Variants in METAP2 observed in about 807,000 individuals in gnomAD.
METAP2 encodes the protein methionyl aminopeptidase 2, also known as methionine aminopeptidase 2.
In METAP2, 25 loss-of-function variants were observed where a neutral mutation model predicts 59.4. The observed-to-expected ratio is 0.42, with a 90% CI of 0.31 to 0.59. METAP2 has a LOEUF of 0.59. METAP2 is among the 20% of genes least tolerant of loss of function. The pLI is 0.16. For missense variants in METAP2, 366 were observed against 581.2 expected (o/e 0.63, Z 3.81); for synonymous variants, 214 against 194.1 (o/e 1.10, Z -0.85).
intron 8 of METAP2, among the ~76,000 whole-genome samples, chr12:95,507,591 G>T (rs1409029667): frequency 6.6e-6 from 1 of 152,128 alleles, no homozygotes; most frequent in Non-Finnish European, 1.5e-5. Context: ...TTTTTAAATT[G>T]TTAGCTCAAA....
At chr12:95,502,681 T>A (rs1478984632) in intron 7 of METAP2, among the ~76,000 whole-genome samples, 4 of 152,162 alleles carry the variant, frequency 2.6e-5, no homozygotes, top group East Asian at 3.9e-4. Context: ...CCTTTCTACT[T>A]CTTCTGAAAA....
intron 5 of METAP2, 113 bp downstream of exon 5, chr12:95,494,330 G>C (rs2076261986): frequency 9.6e-7 from 1 of 1,044,922 alleles, no homozygotes; most frequent in South Asian, 1.7e-5. Context: ...TTAAGTAAAG[G>C]TTGTAGAAAT....
intron 8 of METAP2, among the ~76,000 whole-genome samples, chr12:95,504,607 A>G (rs1374469251): frequency 6.6e-6 from 1 of 152,198 alleles, no homozygotes; most frequent in Non-Finnish European, 1.5e-5. Flanking sequence ...GGCTTAAGCG[A>G]TCCTCCCACC....
At chr12:95,509,022 G>C (rs2076382361) in intron 8 of METAP2, among the ~76,000 whole-genome samples, 1 of 152,058 alleles carries the variant, frequency 6.6e-6, no homozygotes, top group South Asian at 2.1e-4. Context: ...TAGCACAAAC[G>C]GGCCATCAAA....
At chr12:95,506,535 A>G (rs1397480067) in intron 8 of METAP2, among the ~76,000 whole-genome samples, 1 of 151,762 alleles carries the variant, frequency 6.6e-6, no homozygotes, top group Non-Finnish European at 1.5e-5. Flanking sequence ...TCTTGACCTC[A>G]TGATCCGCCC....
intron 2 of METAP2, among the ~76,000 whole-genome samples, chr12:95,476,689 T>C (rs2076122521): frequency 1.3e-5 from 2 of 152,150 alleles, no homozygotes; most frequent in South Asian, 4.1e-4. Context: ...ATGTGTTAAT[T>C]AGCTGTTCAG....
chr12:95,482,003 C>T (rs767841315), intron 2 of METAP2: 6 of 318,968 alleles, frequency 1.9e-5, no homozygotes, highest in African/African-American at 6.7e-5. Context: ...TTACTGTTAA[C>T]GTTACAGTGC....
In METAP2 at chr12:95,476,104, C is replaced by G. The variant is rs2076116184; in HGVS notation, c.185C>G (p.Ala62Gly). 6.2e-7 allele frequency: 1 copy of G among 1,611,284 alleles called. No individual in the cohort carries two copies. Among genetic ancestry groups the G allele is most frequent in the Non-Finnish European group, 8.5e-7 (1 of 1,178,802 alleles). The change falls in exon 2 of 11, where the codon GCC (alanine) becomes GGC (glycine). Residue 62 changes from alanine to glycine, a missense_variant. By Grantham distance (60) the Ala-to-Gly change is moderately conservative. Around this residue, in one of 4 missense-constraint regions of METAP2, gnomAD observed 177 missense variants for 180.3 expected, o/e 0.98. Coordinates refer to ENST00000323666, the MANE Select transcript of METAP2 (RefSeq NM_006838.4). ...CAGGAACCTGATAAAGAATCAGGAGCCTCAGTGGATGAAGTAGCAAGACAG... is the reference window on the plus strand; with the variant it reads ...CAGGAACCTGATAAAGAATCAGGAGGCTCAGTGGATGAAGTAGCAAGACAG... ...GEQEPDKESG[A>G]SVDEVARQLE...
chr12:95,509,875 G>A (rs1325093979), intron 8 of METAP2, among the ~76,000 whole-genome samples: 6 of 115,812 alleles, frequency 5.2e-5, no homozygotes, highest in African/African-American at 2.1e-4. Flanking sequence ...TTGAGACTCT[G>A]TCGCCCAGAC....
At position 95,494,041 on chromosome 12, in the gene METAP2, A is replaced by G. The variant is rs202192351; in HGVS notation, c.429-15A>G. Reference sequence around the variant, plus strand: ...GCTGTTTTATCACTAATAGTATTCTATGCCCACTCTAAAGGCGAACAGCTG... The same window carrying G: ...GCTGTTTTATCACTAATAGTATTCTGTGCCCACTCTAAAGGCGAACAGCTG... On this transcript the variant is annotated splice_polypyrimidine_tract_variant and intron_variant, in intron 4 of 10. Coordinates refer to ENST00000323666, the MANE Select transcript of METAP2 (RefSeq NM_006838.4). 5.6e-5 allele frequency: 90 copies of G among 1,611,334 alleles called. 1 individual carries two copies. The Middle Eastern group carries it at 9.9e-4, about 18-fold the overall frequency.
chr12:95,513,016 A>G, intron 10 of METAP2, 100 bp downstream of exon 10: 1 of 650,942 alleles, frequency 1.5e-6, no homozygotes, highest in Non-Finnish European at 2.6e-6. Flanking sequence ...TAGTATATTC[A>G]TGAATGTAGA....
intron 3 of METAP2, chr12:95,484,711 C>CTT: frequency 7.3e-5 from 25 of 340,506 alleles, no homozygotes; most frequent in South Asian, 1.2e-4. Flanking sequence ...ATGAGGTACT[C>CTT]TTTTTTTTTT....
At position 95,474,324 on chromosome 12, in the gene METAP2, T is replaced by G. The variant is rs1417411129; in HGVS notation, c.145T>G (p.Ser49Ala). The stretch of plus-strand genomic sequence containing the variant: ...AAAGAAGAAGAAGAGCAAAGGGCCT[T>G]CTGCAGGTAAAGAGAGTTTTATGTT... ...RRKKKKSKGP[S>A]AAGEQEPDKE... The change falls in exon 1 of 11, where the codon TCT becomes GCT. Residue 49 changes from serine to alanine, a missense_variant. Physicochemically the swap from Ser to Ala is moderately conservative, Grantham distance 99. Around this residue, in one of 4 missense-constraint regions of METAP2, gnomAD observed 177 missense variants for 180.3 expected, o/e 0.98. Transcript: ENST00000323666. The G allele has an allele frequency of 1.2e-6, 2 of 1,613,818 alleles. No homozygotes were observed. The highest frequency in any genetic ancestry group is 1.7e-6 in the Non-Finnish European group (2 of 1,179,956).
chr12:95,490,767 C>A (rs1308966215), intron 4 of METAP2, among the ~76,000 whole-genome samples: 1 of 152,054 alleles, frequency 6.6e-6, no homozygotes, highest in African/African-American at 2.4e-5. Context: ...GAGGCCTCAC[C>A]TTTTTCTCTT....
At chr12:95,479,698 T>C (rs2076145081) in intron 2 of METAP2, among the ~76,000 whole-genome samples, 1 of 152,000 alleles carries the variant, frequency 6.6e-6, no homozygotes, top group African/African-American at 2.4e-5. Context: ...AACCTCTGCC[T>C]TCCGGGTTCC....
intron 6 of METAP2, 121 bp from the exon 7 acceptor site, chr12:95,495,883 C>A: frequency 1.6e-6 from 1 of 643,642 alleles, no homozygotes; most frequent in Non-Finnish European, 2.7e-6. Context: ...GGAGTGCAGC[C>A]TTCATTTGAG....
rs934573277 is a variant in METAP2, at chr12:95,512,824, A to G, written c.1092A>G (p.Glu364=). The G allele has an allele frequency of 1.2e-6, 2 of 1,609,310 alleles. No homozygotes were observed. The highest frequency in any genetic ancestry group is 1.7e-4 in the Middle Eastern group (1 of 6,052). The change falls in exon 10 of 11, where the codon GAA becomes GAG. Residue 364 remains glutamate (E), a synonymous_variant. Transcript: ENST00000323666. ...RMEEGEVYAI[E]TFGSTGKGVV... is the part of the protein sequence containing the mutation. ...AGGAAGGAGAAGTATATGCAATTGA[A>G]ACCTTTGGTAGTACAGGAAAAGGTG... is the stretch of plus-strand genomic sequence containing the variant.
chr12:95,511,025 T>C (rs942169153), intron 8 of METAP2, among the ~76,000 whole-genome samples: 8 of 152,166 alleles, frequency 5.3e-5, no homozygotes, highest in African/African-American at 1.7e-4. Flanking sequence ...GATTGTTGAA[T>C]GTTATTCCCT....
intron 7 of METAP2, among the ~76,000 whole-genome samples, chr12:95,502,617 G>A (rs2076324955): frequency 6.6e-6 from 1 of 151,716 alleles, no homozygotes. Flanking sequence ...CTATATTCTT[G>A]TATTTCATCA....
Sources: allele counts gnomAD v4.1 joint callset (sites outside exome capture counted in the v4.1 genomes callset), GRCh38; gene constraint gnomAD v4.1.1; regional missense constraint gnomAD v4.1.1; transcripts MANE v1.5; gene names NCBI Gene and HGNC (gene_info 2026-07-23, HGNC 2026-07-21).